Variants in NOVA1 observed in about 807,000 individuals in gnomAD.
NOVA1 encodes RNA-binding protein Nova-1.
A neutral mutation model predicts 38.0 loss-of-function variants in NOVA1; 7 were observed. That is an observed-to-expected ratio of 0.18 (90% CI 0.10 to 0.35). The LOEUF (loss-of-function observed/expected upper bound fraction) is 0.35. NOVA1 is among the 10% of genes least tolerant of loss of function. The pLI, the probability that NOVA1 is intolerant of heterozygous loss-of-function variation, is 1.00. For synonymous variants in NOVA1, 270 were observed against 232.5 expected (o/e 1.16, Z -1.47); for missense variants, 460 against 616.0 (o/e 0.75, Z 2.68).
At chr14:26,507,788 T>C (rs932203628) in intron 2 of NOVA1, among the ~76,000 whole-genome samples, 5 of 152,016 alleles carry the variant, frequency 3.3e-5, no homozygotes, top group Non-Finnish European at 5.9e-5. Context: ...AATCAAAACA[T>C]AAATGTGTAT....
chr14:26,456,635 C>T lies in NOVA1; in HGVS notation c.520-7672G>A, dbSNP rs963064118. Among the ~76,000 whole-genome samples the T allele has an allele frequency of 1.1e-4, 17 of 151,718 alleles. 1 individual carries two copies. The highest frequency in any genetic ancestry group is 4.1e-4 in the South Asian group (2 of 4,820). Reference sequence around the variant, plus strand: ...TTTTCTTTTTTAAAACATTGGTGTCCGTATATATTGTCTTTTGCAAATCAT... The same window carrying T: ...TTTTCTTTTTTAAAACATTGGTGTCTGTATATATTGTCTTTTGCAAATCAT... On this transcript the variant is annotated intron_variant, in intron 4 of 4. Coordinates refer to ENST00000539517, the MANE Select transcript of NOVA1 (RefSeq NM_002515.3).
intron 2 of NOVA1, among the ~76,000 whole-genome samples, chr14:26,519,921 A>G (rs940172997): frequency 5.3e-5 from 8 of 151,656 alleles, no homozygotes; most frequent in Non-Finnish European, 4.4e-5. Flanking sequence ...AATGGGGTAC[A>G]TTTTCTGTTG....
At chr14:26,528,952 G>A (rs1889496903) in intron 2 of NOVA1, among the ~76,000 whole-genome samples, 1 of 152,120 alleles carries the variant, frequency 6.6e-6, no homozygotes, top group African/African-American at 2.4e-5. Context: ...TGAGATATGT[G>A]TGATTGCCAA....
chr14:26,553,193 G>C (rs1389440669), intron 2 of NOVA1, among the ~76,000 whole-genome samples: 1 of 152,196 alleles, frequency 6.6e-6, no homozygotes, highest in Non-Finnish European at 1.5e-5. Flanking sequence ...CAATCGCCCA[G>C]GGGCTGGCAA....
intron 2 of NOVA1, among the ~76,000 whole-genome samples, chr14:26,540,977 G>A (rs1374859232): frequency 9.2e-5 from 14 of 152,052 alleles, no homozygotes; most frequent in Non-Finnish European, 2.9e-5. Context: ...AACAGAGATA[G>A]AATAAGCCAT....
chr14:26,462,628 A>C (rs1883779566), intron 4 of NOVA1, among the ~76,000 whole-genome samples: 1 of 152,228 alleles, frequency 6.6e-6, no homozygotes, highest in African/African-American at 2.4e-5. Flanking sequence ...CAATCATTTA[A>C]TTCGGCATAA....
At chr14:26,547,891 T>C (rs1890893570) in intron 2 of NOVA1, among the ~76,000 whole-genome samples, 1 of 152,122 alleles carries the variant, frequency 6.6e-6, no homozygotes, top group African/African-American at 2.4e-5. Context: ...ATACTAAATC[T>C]ATGCAAGTAA....
At chr14:26,571,155 AT>A (rs1892449194) in intron 2 of NOVA1, among the ~76,000 whole-genome samples, 1 of 151,266 alleles carries the variant, frequency 6.6e-6, no homozygotes, top group East Asian at 1.9e-4. Context: ...ATATATATAT[AT>A]ATATGATGTT....
intron 2 of NOVA1, among the ~76,000 whole-genome samples, chr14:26,503,316 C>G (rs935751158): frequency 6.6e-6 from 1 of 151,820 alleles, no homozygotes; most frequent in Non-Finnish European, 1.5e-5. Flanking sequence ...TGCACACATA[C>G]CCTGGCACAA....
At chr14:26,587,092 C>A (rs1262461687) in intron 2 of NOVA1, among the ~76,000 whole-genome samples, 1 of 150,692 alleles carries the variant, frequency 6.6e-6, no homozygotes, top group Non-Finnish European at 1.5e-5. Context: ...AGCTACAGGA[C>A]AATTACTGGC....
At chr14:26,595,706 CAA>C in intron 1 of NOVA1, 153 bp from the exon 2 acceptor site, 1 of 586,322 alleles carries the variant, frequency 1.7e-6, no homozygotes, top group Non-Finnish European at 2.9e-6. Context: ...GAAAATAAGC[CAA>C]TTACATTGAA....
intron 4 of NOVA1, 170 bp downstream of exon 4, chr14:26,472,150 T>C (rs543568592): frequency 9.8e-5 from 51 of 520,388 alleles, no homozygotes; most frequent in African/African-American, 9.1e-4. Context: ...TAAAAATGCA[T>C]ATAAAATTTT....
intron 2 of NOVA1, among the ~76,000 whole-genome samples, chr14:26,531,417 G>A (rs1277270727): frequency 6.6e-6 from 1 of 152,128 alleles, no homozygotes; most frequent in African/African-American, 2.4e-5. Flanking sequence ...AGATCAGCCT[G>A]ACCAACATGA....
chr14:26,495,499 G>T (rs1008693530), intron 2 of NOVA1, among the ~76,000 whole-genome samples: 8 of 151,748 alleles, frequency 5.3e-5, no homozygotes, highest in African/African-American at 1.2e-4. Context: ...GCTTTTTTTT[G>T]TTGTTGTTTA....
rs372806170 is a variant in NOVA1 at position 26,481,988 on chromosome 14, TAAAAA to T, written c.281-1850_281-1846del. 4.6e-3 allele frequency among the ~76,000 whole-genome samples: 492 copies of T among 105,942 alleles called. 6 individuals are homozygous for T. The highest frequency in any genetic ancestry group is 0.024 in the African/African-American group (464 of 19,694). 69.5% of individuals were successfully genotyped at this position (105,942 alleles called of 152,430 possible). On this transcript the variant is annotated intron_variant, in intron 2 of 4. Coordinates refer to ENST00000539517, the MANE Select transcript of NOVA1 (RefSeq NM_002515.3). ...CAAAACAGTCTAACTTAGATAGAGA[TAAAAA>T]AAAAAAAAAAAAAAAAAAAAACATG...
intron 2 of NOVA1, among the ~76,000 whole-genome samples, chr14:26,576,428 G>C (rs1892847516): frequency 6.6e-6 from 1 of 151,218 alleles, no homozygotes. Flanking sequence ...CAGCTGACAG[G>C]CATAAATGTA....
chr14:26,533,660 T>C (rs781579349), intron 2 of NOVA1, among the ~76,000 whole-genome samples: 2 of 152,200 alleles, frequency 1.3e-5, no homozygotes, highest in African/African-American at 2.4e-5. Flanking sequence ...AGAAGTTCTG[T>C]TTAGATGTTA....
intron 2 of NOVA1, among the ~76,000 whole-genome samples, chr14:26,549,117 A>G (rs1891008065): frequency 6.6e-6 from 1 of 152,072 alleles, no homozygotes; most frequent in Non-Finnish European, 1.5e-5. Flanking sequence ...TGATCACATC[A>G]CCATCCTCCA....
intron 2 of NOVA1, among the ~76,000 whole-genome samples, chr14:26,499,654 G>A (rs1231115453): frequency 1.3e-5 from 2 of 152,106 alleles, no homozygotes; most frequent in African/African-American, 2.4e-5. Flanking sequence ...CTCTGATATG[G>A]AAGAGAGGGA....
Sources: gnomAD v4.1 joint callset for allele counts (sites outside exome capture counted in the v4.1 genomes callset) on GRCh38, gnomAD v4.1.1 for gene constraint, MANE v1.5 for transcripts, NCBI Gene and HGNC (gene_info 2026-07-23, HGNC 2026-07-21) for gene names.